TNFRSF10D: variants seen among roughly 807,000 people sequenced by gnomAD.
The protein encoded by TNFRSF10D is TNF receptor superfamily member 10d, also known as tumor necrosis factor receptor superfamily member 10D.
In TNFRSF10D, 28 loss-of-function variants were observed where a neutral mutation model predicts 42.1. The observed-to-expected ratio is 0.66, with a 90% CI of 0.49 to 0.91. The LOEUF (loss-of-function observed/expected upper bound fraction) is 0.91. TNFRSF10D is among the 40% of genes least tolerant of loss of function. The pLI is 0.00. For synonymous variants in TNFRSF10D, 186 were observed against 189.4 expected (o/e 0.98, Z 0.15); for missense variants, 503 against 486.1 (o/e 1.03, Z -0.33).
intron 2 of TNFRSF10D, among the ~76,000 whole-genome samples, chr8:23,150,064 A>T (rs1392299079): frequency 2.0e-5 from 3 of 152,212 alleles, no homozygotes; most frequent in African/African-American, 7.2e-5. Context: ...GGCATGATAA[A>T]GGCATGATAA....
intron 1 of TNFRSF10D, among the ~76,000 whole-genome samples, chr8:23,161,486 A>C: frequency 6.6e-6 from 1 of 152,054 alleles, no homozygotes; most frequent in East Asian, 1.9e-4. Flanking sequence ...GAAGATGGAG[A>C]CCTTATCTCC....
chr8:23,137,303 C>G lies in TNFRSF10D; in HGVS notation c.*567G>C, dbSNP rs1322800989. 6.6e-6 allele frequency: 1 copy of G among 152,206 alleles called. No individual in the cohort carries two copies. Among genetic ancestry groups the G allele is most frequent in the East Asian group, 1.9e-4 (1 of 5,204 alleles). The allele number at this position is 152,206 out of a possible 1,614,324, so 9.4% of individuals were successfully genotyped here. ...AATACAGGTAATAACAAGATAATCC[C>G]GTTCTAAAGTTAAAAAACTATAAGG... is the stretch of plus-strand genomic sequence containing the variant. On this transcript the variant is annotated 3_prime_UTR_variant, in exon 9 of 9. Transcript: ENST00000312584.
chr8:23,157,869 T>C (rs1200738436), intron 1 of TNFRSF10D, among the ~76,000 whole-genome samples: 1 of 152,208 alleles, frequency 6.6e-6, no homozygotes, highest in South Asian at 2.1e-4. Context: ...ACCAGCAGTG[T>C]TGGGCGACCA....
Position 23,138,229 on chromosome 8 carries a change from C to G in TNFRSF10D, c.986G>C (p.Arg329Thr), listed in dbSNP as rs556077192. 3.3e-5 allele frequency: 53 copies of G among 1,614,238 alleles called. No homozygotes were observed. In the East Asian group the frequency reaches 1.1e-3, roughly 33 times the overall value. Residue 329 changes from arginine (R) to threonine (T), a missense_variant, in exon 8 of 9, where the codon AGG becomes ACG. Coordinates refer to ENST00000312584, the MANE Select transcript of TNFRSF10D (RefSeq NM_003840.5). The stretch of plus-strand genomic sequence containing the variant: ...GTCATTCACTGGAACCAGCAGCCTC[C>G]TCCTCTGACACCCTTCAGCTTCTGC... The part of the protein sequence containing the change: ...EQAEAEGCQR[R>T]RLLVPVNDAD...
intron 7 of TNFRSF10D, among the ~76,000 whole-genome samples, chr8:23,140,311 A>T (rs574184694): frequency 6.6e-6 from 1 of 151,892 alleles, no homozygotes; most frequent in East Asian, 1.9e-4. Context: ...AATCAGTAGC[A>T]TATCTATATA....
chr8:23,150,189 GAA>G (rs1404431459), intron 2 of TNFRSF10D, among the ~76,000 whole-genome samples: 926 of 152,196 alleles, frequency 6.1e-3, no homozygotes, highest in African/African-American at 0.019. Flanking sequence ...CAGTCCCCAT[GAA>G]CTCAGGCTCC....
intron 5 of TNFRSF10D, among the ~76,000 whole-genome samples, 185 bp downstream of exon 5, chr8:23,145,483 C>T (rs1400883474): frequency 1.3e-5 from 2 of 152,128 alleles, no homozygotes; most frequent in Admixed American, 1.3e-4. Flanking sequence ...GAGAGAGGGA[C>T]TGATGAGACC....
At chr8:23,142,614 A>T (rs1800046396) in intron 7 of TNFRSF10D, among the ~76,000 whole-genome samples, 1 of 152,208 alleles carries the variant, frequency 6.6e-6, no homozygotes, top group African/African-American at 2.4e-5. Flanking sequence ...AGGGAGCGAG[A>T]GGAGGAAGGG....
At chr8:23,146,699 A>C (rs1341710979) in intron 4 of TNFRSF10D, among the ~76,000 whole-genome samples, 1 of 150,798 alleles carries the variant, frequency 6.6e-6, no homozygotes, top group Non-Finnish European at 1.5e-5. Flanking sequence ...CTAGAAAGTC[A>C]CCTCCTGTGC....
chr8:23,160,549 G>C (rs1433308668), intron 1 of TNFRSF10D, among the ~76,000 whole-genome samples: 7 of 152,184 alleles, frequency 4.6e-5, no homozygotes, highest in Admixed American at 4.6e-4. Context: ...TGTAAAACAG[G>C]GAAAACAACC....
intron 6 of TNFRSF10D, 56 bp from the exon 7 acceptor site, chr8:23,144,691 C>G: frequency 6.4e-7 from 1 of 1,572,802 alleles, no homozygotes; most frequent in South Asian, 1.2e-5. Flanking sequence ...CTTCAGGGTC[C>G]CCAGTACACA....
At chr8:23,140,258 C>T (rs1313806047) in intron 7 of TNFRSF10D, among the ~76,000 whole-genome samples, 2 of 152,008 alleles carry the variant, frequency 1.3e-5, no homozygotes, top group African/African-American at 4.8e-5. Flanking sequence ...CACTGCACTC[C>T]AGCCTGGGTG....
chr8:23,146,186 C>G (rs1800117376), intron 4 of TNFRSF10D, among the ~76,000 whole-genome samples: 1 of 152,234 alleles, frequency 6.6e-6, no homozygotes, highest in Non-Finnish European at 1.5e-5. Context: ...CTGAGCTTCC[C>G]TGGGCTGCAG....
intron 1 of TNFRSF10D, among the ~76,000 whole-genome samples, chr8:23,161,900 G>T (rs954736306): frequency 1.3e-5 from 2 of 152,190 alleles, no homozygotes; most frequent in African/African-American, 4.8e-5. Flanking sequence ...CTAAGGAGTT[G>T]CCCAATAAGC....
At chr8:23,144,251 C>G (rs1392881798) in intron 7 of TNFRSF10D, among the ~76,000 whole-genome samples, 199 bp downstream of exon 7, 3 of 152,220 alleles carry the variant, frequency 2.0e-5, no homozygotes, top group African/African-American at 7.2e-5. Context: ...AAGGACAGGA[C>G]AGGGAGTAAG....
At chr8:23,154,706 A>G (rs1390674411) in intron 2 of TNFRSF10D, among the ~76,000 whole-genome samples, 168 bp downstream of exon 2, 1 of 152,234 alleles carries the variant, frequency 6.6e-6, no homozygotes, top group Non-Finnish European at 1.5e-5. Context: ...ATTGCTGAGT[A>G]GACTTTTAAG....
chr8:23,156,777 C>G (rs1427061288), intron 1 of TNFRSF10D, among the ~76,000 whole-genome samples: 1 of 152,140 alleles, frequency 6.6e-6, no homozygotes, highest in East Asian at 1.9e-4. Context: ...TCACGTTGCC[C>G]AGGCTGGTCT....
At chr8:23,140,357 A>G (rs1171070562) in intron 7 of TNFRSF10D, among the ~76,000 whole-genome samples, 1 of 145,414 alleles carries the variant, frequency 6.9e-6, no homozygotes, top group Non-Finnish European at 1.5e-5. Flanking sequence ...AATCAATAAC[A>G]CAATCCCATT....
At position 23,154,466 on chromosome 8, in the gene TNFRSF10D, C is replaced by T. The variant is rs553038994; in HGVS notation, c.256+408G>A. Among the ~76,000 whole-genome samples, 180 of 152,336 alleles carry T rather than the reference C, an allele frequency of 1.2e-3. 1 individual carries two copies. Among genetic ancestry groups the T allele is most frequent in the African/African-American group, 4.2e-3 (175 of 41,574 alleles). On this transcript the variant is annotated intron_variant, in intron 2 of 8. Transcript: ENST00000312584. ...TATGCTTTAAATCATTTCTAGGTTA[C>T]TTGTAATACCTAATGCAATAGACAT...
Sources: allele counts gnomAD v4.1 joint callset (sites outside exome capture counted in the v4.1 genomes callset), GRCh38; gene constraint gnomAD v4.1.1; transcripts MANE v1.5; gene names NCBI Gene and HGNC (gene_info 2026-07-23, HGNC 2026-07-21).